GRXCR1: variants seen among roughly 807,000 people sequenced by gnomAD.
The protein encoded by GRXCR1 is glutaredoxin domain-containing cysteine-rich protein 1.
GRXCR1 carries 27 observed loss-of-function variants against 27.3 expected under a neutral mutation model. The ratio of observed to expected loss-of-function variants is 0.99; its 90% CI spans 0.73 to 1.37. The LOEUF (loss-of-function observed/expected upper bound fraction) is 1.37, where lower values mean the gene tolerates loss of function less well. Ranked by LOEUF, GRXCR1 falls within the 40% of genes most tolerant of loss-of-function variation. The pLI, the probability that GRXCR1 is intolerant of heterozygous loss-of-function variation, is 0.00. For missense variants in GRXCR1, 379 were observed against 354.4 expected, an observed-to-expected ratio of 1.07 and a Z score of -0.56; for synonymous variants, 122 against 131.1, an observed-to-expected ratio of 0.93 and a Z score of 0.47.
chr4:42,914,380 T>A (rs972331918), intron 1 of GRXCR1, among the ~76,000 whole-genome samples: 20 of 152,198 alleles, frequency 1.3e-4, no homozygotes, highest in Middle Eastern at 3.2e-3. Flanking sequence ...AAGAAGATCA[T>A]TTTGGAACTT....
At chr4:42,942,681 G>T (rs1199145384) in intron 1 of GRXCR1, among the ~76,000 whole-genome samples, 1 of 152,016 alleles carries the variant, frequency 6.6e-6, no homozygotes, top group Admixed American at 6.6e-5. Flanking sequence ...GTGGGACCAG[G>T]GTCTGGGACC....
At chr4:42,954,486 C>T (rs1044748244) in intron 1 of GRXCR1, among the ~76,000 whole-genome samples, 1 of 152,084 alleles carries the variant, frequency 6.6e-6, no homozygotes, top group Non-Finnish European at 1.5e-5. Context: ...GCTCCCTTTT[C>T]CCCTCTAACT....
intron 2 of GRXCR1, among the ~76,000 whole-genome samples, chr4:42,980,637 C>T (rs1285436402): frequency 2.0e-5 from 3 of 151,914 alleles, no homozygotes; most frequent in Non-Finnish European, 4.4e-5. Flanking sequence ...CTGTATGTGC[C>T]TGTTACATCT....
chr4:42,912,362 C>T (rs755304967), intron 1 of GRXCR1, among the ~76,000 whole-genome samples: 1 of 152,100 alleles, frequency 6.6e-6, no homozygotes, highest in South Asian at 2.1e-4. Context: ...GGAATTCATG[C>T]TTCATTTTTT....
chr4:42,953,436 T>C (rs1232421472), intron 1 of GRXCR1, among the ~76,000 whole-genome samples: 1 of 152,190 alleles, frequency 6.6e-6, no homozygotes, highest in Non-Finnish European at 1.5e-5. Context: ...GTAGGTGTTC[T>C]GGAAGACAGC....
At chr4:42,941,226 T>C (rs771075016) in intron 1 of GRXCR1, among the ~76,000 whole-genome samples, 1 of 152,032 alleles carries the variant, frequency 6.6e-6, no homozygotes, top group Non-Finnish European at 1.5e-5. Flanking sequence ...GCATACAGTA[T>C]GCCCTAAGCA....
At chr4:42,900,795 TG>T (rs534532677) in intron 1 of GRXCR1, among the ~76,000 whole-genome samples, 3 of 151,966 alleles carry the variant, frequency 2.0e-5, no homozygotes, top group Non-Finnish European at 2.9e-5. Flanking sequence ...CAGGAACTTG[TG>T]GGGGGTCTAC....
chr4:42,983,494 C>T (rs891076869), intron 2 of GRXCR1, among the ~76,000 whole-genome samples: 1 of 151,482 alleles, frequency 6.6e-6, no homozygotes, highest in Non-Finnish European at 1.5e-5. Context: ...TAGTGTGATG[C>T]CTCCAGCTTT....
At chr4:42,980,010 T>C (rs112987977) in intron 2 of GRXCR1, among the ~76,000 whole-genome samples, 1 of 152,016 alleles carries the variant, frequency 6.6e-6, no homozygotes, top group African/African-American at 2.4e-5. Flanking sequence ...AATTGTAACA[T>C]CTCCTTTTTC....
intron 2 of GRXCR1, among the ~76,000 whole-genome samples, chr4:42,973,743 ACT>A (rs1352226435): frequency 6.6e-6 from 1 of 151,870 alleles, no homozygotes; most frequent in Non-Finnish European, 1.5e-5. Context: ...GCAAGGATAA[ACT>A]CTTTTTCTTA....
At chr4:42,946,943 G>A (rs762814971) in intron 1 of GRXCR1, among the ~76,000 whole-genome samples, 4 of 152,228 alleles carry the variant, frequency 2.6e-5, no homozygotes, top group Admixed American at 6.5e-5. Context: ...GTAATGGTGC[G>A]GAGTTAGTGC....
chr4:42,900,657 G>T (rs1013758855), intron 1 of GRXCR1, among the ~76,000 whole-genome samples: 1 of 152,150 alleles, frequency 6.6e-6, no homozygotes. Flanking sequence ...AGATGAGAAG[G>T]CTCTGGGGAA....
intron 1 of GRXCR1, among the ~76,000 whole-genome samples, chr4:42,958,544 A>G (rs2109772804): frequency 6.6e-6 from 1 of 152,124 alleles, no homozygotes; most frequent in African/African-American, 2.4e-5. Context: ...CAGGTAATGC[A>G]AGGAAAAATA....
At chr4:42,986,447 T>C (rs548402578) in intron 2 of GRXCR1, among the ~76,000 whole-genome samples, 1 of 152,242 alleles carries the variant, frequency 6.6e-6, no homozygotes, top group African/African-American at 2.4e-5. Flanking sequence ...CTCTGACTCA[T>C]GTTTCTCATC....
At chr4:42,903,071 A>G (rs959172710) in intron 1 of GRXCR1, among the ~76,000 whole-genome samples, 1 of 152,142 alleles carries the variant, frequency 6.6e-6, no homozygotes, top group Non-Finnish European at 1.5e-5. Flanking sequence ...AGGAGGTTTC[A>G]TGTGAAACCC....
At chr4:43,017,084 C>A (rs1214281694) in intron 2 of GRXCR1, among the ~76,000 whole-genome samples, 4 of 152,098 alleles carry the variant, frequency 2.6e-5, no homozygotes, top group African/African-American at 4.8e-5. Context: ...CTGGCATATG[C>A]AATTATTCTA....
chr4:42,908,572 C>T (rs562659180), intron 1 of GRXCR1, among the ~76,000 whole-genome samples: 70 of 152,226 alleles, frequency 4.6e-4, no homozygotes, highest in African/African-American at 1.6e-3. Context: ...TTGCAAAGTC[C>T]TTCTATTTGT....
At chr4:42,902,007 C>A (rs1039680626) in intron 1 of GRXCR1, among the ~76,000 whole-genome samples, 1 of 152,088 alleles carries the variant, frequency 6.6e-6, no homozygotes, top group Non-Finnish European at 1.5e-5. Context: ...TCTGTAGTTA[C>A]GTATATGATG....
intron 2 of GRXCR1, among the ~76,000 whole-genome samples, chr4:43,004,399 C>A (rs1712483055): frequency 6.6e-6 from 1 of 152,202 alleles, no homozygotes; most frequent in African/African-American, 2.4e-5. Flanking sequence ...ACAGAGTCAC[C>A]ACTGGGGCAC....
Sources: gnomAD v4.1 joint callset for allele counts (sites outside exome capture counted in the v4.1 genomes callset) on GRCh38, gnomAD v4.1.1 for gene constraint, MANE v1.5 for transcripts, NCBI Gene and HGNC (gene_info 2026-07-23, HGNC 2026-07-21) for gene names.